Variants in MAP2K5 observed in about 807,000 individuals in gnomAD.
MAP2K5 encodes the protein dual specificity mitogen-activated protein kinase kinase 5.
Under a neutral mutation model 83.1 loss-of-function variants are expected in MAP2K5, and 49 were observed. That is an observed-to-expected ratio of 0.59 (90% CI 0.47 to 0.75). The LOEUF is 0.75. Among genes scored for constraint, MAP2K5 ranks in the 30% least tolerant of loss-of-function variants. The pLI is 0.00. For synonymous variants in MAP2K5, 202 were observed against 191.8 expected, an observed-to-expected ratio of 1.05 and a Z score of -0.44; for missense variants, 457 against 557.5, an observed-to-expected ratio of 0.82 and a Z score of 1.82.
In MAP2K5 at chr15:67,747,166, T is replaced by G. The variant is rs143951594; in HGVS notation, c.1075-1065T>G. The stretch of plus-strand genomic sequence containing the variant: ...TAGGCCCAGCTTTCCCATCATAGAA[T>G]AAAGATGATCATCCCTGCCAAACTC... On this transcript the variant is annotated intron_variant, in intron 17 of 21. Transcript: ENST00000178640. This position sits in a 1 kb window ranked among gnomAD's most constrained non-coding sequence, Gnocchi z 4.1. Among the ~76,000 whole-genome samples, 25 of 152,334 alleles carry G rather than the reference T, an allele frequency of 1.6e-4. No individual in the cohort carries two copies. Among genetic ancestry groups the G allele is most frequent in the African/African-American group, 6.0e-4 (25 of 41,580 alleles).
intron 14 of MAP2K5, 117 bp downstream of exon 14, chr15:67,692,669 T>C (rs2088145190): frequency 2.8e-6 from 2 of 716,406 alleles, no homozygotes; most frequent in Admixed American, 2.6e-5. Flanking sequence ...ACTCTGCATC[T>C]TTTCCTCATC....
intron 8 of MAP2K5, among the ~76,000 whole-genome samples, chr15:67,630,459 T>A (rs898285380): frequency 6.6e-6 from 1 of 151,020 alleles, no homozygotes; most frequent in Non-Finnish European, 1.5e-5. Flanking sequence ...GCAAAAAAAA[T>A]GGGAAAAAAA....
chr15:67,691,907 A>G (rs1285772395), intron 13 of MAP2K5, among the ~76,000 whole-genome samples: 2 of 152,256 alleles, frequency 1.3e-5, no homozygotes, highest in Non-Finnish European at 2.9e-5. Context: ...CATCTTTTAG[A>G]TAAATTTCTA....
chr15:67,796,192 C>T (rs753858336), intron 21 of MAP2K5, among the ~76,000 whole-genome samples: 5 of 152,126 alleles, frequency 3.3e-5, no homozygotes, highest in African/African-American at 9.7e-5. Context: ...GTTTTTTGTA[C>T]AGTCCTATTT....
chr15:67,682,163 G>A (rs76087241), intron 13 of MAP2K5, among the ~76,000 whole-genome samples: 1,833 of 151,400 alleles, frequency 0.012, 43 homozygotes, highest in African/African-American at 0.042. Context: ...CTATGGCTTC[G>A]AGTGAAGCTG....
In MAP2K5 at chr15:67,575,896, T is replaced by TTTTCTTTCTTTCTTTCTTTCTTTCTTTC. The variant is rs1437089250; in HGVS notation, c.253-4835_253-4834insCTTTCTTTCTTTCTTTCTTTCTTTCTTT. On this transcript the variant is annotated intron_variant, in intron 3 of 21. Transcript: ENST00000178640. ...TCTCTGTCTCTGTTTTCTCTTCTTT[T>TTTTCTTTCTTTCTTTCTTTCTTTCTTTC]TTTCTTTCTTTCTTTCTTTCTTTTT... is the stretch of plus-strand genomic sequence containing the variant. 2.6e-4 allele frequency among the ~76,000 whole-genome samples: 18 copies of TTTTCTTTCTTTCTTTCTTTCTTTCTTTC among 68,398 alleles called. 1 individual carries two copies. Among genetic ancestry groups the TTTTCTTTCTTTCTTTCTTTCTTTCTTTC allele is most frequent in the Non-Finnish European group, 3.2e-4 (12 of 37,666 alleles). 44.9% of individuals were successfully genotyped at this position (68,398 alleles called of 152,430 possible).
intron 5 of MAP2K5, 45 bp from the exon 6 acceptor site, chr15:67,586,801 G>A (rs1331543483): frequency 3.9e-6 from 6 of 1,558,228 alleles, no homozygotes; most frequent in Non-Finnish European, 5.3e-6. Context: ...TTAGAACTGT[G>A]TCCTCAGAAC....
At chr15:67,732,477 A>G (rs1311673238) in intron 17 of MAP2K5, among the ~76,000 whole-genome samples, 1 of 152,222 alleles carries the variant, frequency 6.6e-6, no homozygotes, top group Non-Finnish European at 1.5e-5. Context: ...GTACTTTTGC[A>G]TGTATAAAAA....
At chr15:67,739,911 A>G (rs1331316457) in intron 17 of MAP2K5, among the ~76,000 whole-genome samples, 1 of 152,238 alleles carries the variant, frequency 6.6e-6, no homozygotes, top group African/African-American at 2.4e-5. Context: ...ATGTGGAACC[A>G]AAACTAATGC....
At chr15:67,600,208 T>C (rs1194405343) in intron 7 of MAP2K5, among the ~76,000 whole-genome samples, 1 of 152,204 alleles carries the variant, frequency 6.6e-6, no homozygotes, top group African/African-American at 2.4e-5. Flanking sequence ...TCATAAACAT[T>C]ATTTAGTTTG....
intron 21 of MAP2K5, among the ~76,000 whole-genome samples, 183 bp from the exon 22 acceptor site, chr15:67,806,463 T>C (rs763882658): frequency 1.3e-5 from 2 of 152,212 alleles, no homozygotes; most frequent in African/African-American, 2.4e-5. Flanking sequence ...ACTACCAGTA[T>C]GTCACTGCTC....
At chr15:67,689,671 A>G (rs2088051204) in intron 13 of MAP2K5, among the ~76,000 whole-genome samples, 1 of 152,220 alleles carries the variant, frequency 6.6e-6, no homozygotes, top group South Asian at 2.1e-4. Context: ...AAGCTGGAAA[A>G]ATGCAGTCAG....
chr15:67,705,861 G>A (rs193123853), intron 16 of MAP2K5, among the ~76,000 whole-genome samples: 2 of 152,188 alleles, frequency 1.3e-5, no homozygotes, highest in Non-Finnish European at 2.9e-5. Context: ...CCAAGATAGA[G>A]TACACTCTCA....
Position 67,600,732 on chromosome 15 carries a change from C to T in MAP2K5, c.528C>T (p.Asn176=), listed in dbSNP as rs756299917. 2.1e-5 allele frequency: 34 copies of T among 1,607,780 alleles called. No homozygotes were observed. The highest frequency in any genetic ancestry group is 6.8e-5 in the African/African-American group (5 of 73,968). ...ATCGGGACACTCTTGGTCATGGCAA[C>T]GGAGGCACAGTCTACAAGTGAGTAG... The part of the protein sequence containing the change: ...IRYRDTLGHG[N]GGTVYKAYHV... Residue 176 remains asparagine, a synonymous_variant, in exon 8 of 22, where the codon AAC becomes AAT. Coordinates refer to ENST00000178640, the MANE Select transcript of MAP2K5 (RefSeq NM_145160.3).
At chr15:67,744,979 A>G (rs1285621456) in intron 17 of MAP2K5, among the ~76,000 whole-genome samples, 2 of 152,204 alleles carry the variant, frequency 1.3e-5, no homozygotes, top group Middle Eastern at 3.2e-3. Context: ...ATGAGACGTA[A>G]CTATCCCCTG....
At position 67,778,154 on chromosome 15, in the gene MAP2K5, T is replaced by C. The variant is rs2090270826; in HGVS notation, c.1242+5402T>C. On this transcript the variant is annotated intron_variant, in intron 21 of 21. Transcript: ENST00000178640. This position sits in a 1 kb window ranked among gnomAD's most constrained non-coding sequence, Gnocchi z 5.0. ...GCTCTAGAAAAATCTGTTTAAACAT[T>C]TAATTACTTACTAAGAGATGTTAAC... is the stretch of plus-strand genomic sequence containing the variant. 6.6e-6 allele frequency among the ~76,000 whole-genome samples: 1 copy of C among 152,238 alleles called. No homozygotes were observed. The highest frequency in any genetic ancestry group is 6.5e-5 in the Admixed American group (1 of 15,282).
intron 6 of MAP2K5, among the ~76,000 whole-genome samples, chr15:67,588,412 C>T (rs948075054): frequency 1.3e-5 from 2 of 152,218 alleles, no homozygotes; most frequent in African/African-American, 4.8e-5. Flanking sequence ...CAGTGCACAC[C>T]AGGGACCTCT....
intron 7 of MAP2K5, among the ~76,000 whole-genome samples, chr15:67,594,964 G>T (rs753103915): frequency 1.3e-5 from 2 of 152,090 alleles, no homozygotes; most frequent in Non-Finnish European, 2.9e-5. Context: ...AAATTTCTGG[G>T]CTGAACACTG....
rs17301102 is a variant in MAP2K5 at position 67,598,259 on chromosome 15, A to G, written c.481-2426A>G. 8.4e-3 allele frequency among the ~76,000 whole-genome samples: 1,278 copies of G among 152,252 alleles called. 41 individuals are homozygous for G. Among genetic ancestry groups the G allele is most frequent in the Admixed American group, 0.062 (952 of 15,288 alleles). On this transcript the variant is annotated intron_variant, in intron 7 of 21. Transcript: ENST00000178640. ...AAAACTGTCAATCAGTTCACAGGCC[A>G]AAGGTTTGCATAACTTTAAAACATT... is the stretch of plus-strand genomic sequence containing the variant.
Sources: allele counts gnomAD v4.1 joint callset (sites outside exome capture counted in the v4.1 genomes callset), GRCh38; gene constraint gnomAD v4.1.1; non-coding constraint Gnocchi (gnomAD v3.1); transcripts MANE v1.5; gene names NCBI Gene and HGNC (gene_info 2026-07-23, HGNC 2026-07-21).